The following CNOT2 variants were observed in gnomAD, a reference collection of about 807,000 sequenced individuals.
The protein encoded by CNOT2 is CCR4-NOT transcription complex subunit 2, also known as CC chemokine receptor 4-negative regulator of transcription 2.
CNOT2 carries 7 observed loss-of-function variants against 72.1 expected under a neutral mutation model. The ratio of observed to expected loss-of-function variants is 0.10; its 90% CI spans 0.06 to 0.18. The LOEUF is 0.18. Among genes scored for constraint, CNOT2 ranks in the 10% least tolerant of loss-of-function variants. CNOT2 has a pLI of 1.00. For synonymous variants in CNOT2, 196 were observed against 225.6 expected (o/e 0.87, Z 1.17); for missense variants, 345 against 660.3 (o/e 0.52, Z 5.23).
chr12:70,297,071 A>G (rs537732703), intron 2 of CNOT2, among the ~76,000 whole-genome samples: 11 of 152,186 alleles, frequency 7.2e-5, no homozygotes, highest in Non-Finnish European at 1.5e-4. Context: ...TTAATTGGCT[A>G]CACCTTGATA....
At chr12:70,334,838 C>T (rs2136041044) in intron 7 of CNOT2, 1 of 152,202 alleles carries the variant, frequency 6.6e-6, no homozygotes, top group Non-Finnish European at 1.5e-5. Context: ...TATTTCCTAT[C>T]CATTTACCAT....
intron 1 of CNOT2, among the ~76,000 whole-genome samples, chr12:70,268,507 G>A (rs1959154374): frequency 6.6e-6 from 1 of 152,110 alleles, no homozygotes. Flanking sequence ...GTGCAGTGGT[G>A]CAGTCAGGGC....
chr12:70,294,154 A>G, intron 2 of CNOT2: 1 of 1,288,914 alleles, frequency 7.8e-7, no homozygotes, highest in Non-Finnish European at 1.0e-6. Flanking sequence ...TATGGCGTCA[A>G]CCCTGCTGTA....
chr12:70,269,996 C>T (rs555711098), intron 1 of CNOT2, among the ~76,000 whole-genome samples: 1 of 152,070 alleles, frequency 6.6e-6, no homozygotes, highest in Non-Finnish European at 1.5e-5. Flanking sequence ...CATTTGTGAC[C>T]TTGTGTTAAT....
rs569488722 is a variant in CNOT2, at chr12:70,328,244, G to C, written c.239-1179G>C. 6.6e-5 allele frequency among the ~76,000 whole-genome samples: 10 copies of C among 151,964 alleles called. No homozygotes were observed. The East Asian group carries it at 1.8e-3, about 27-fold the overall frequency. ...TACAGGCTGCCAAATTTAAGATAACGATCAGTGAGATACTCGCTAACCACT... is the reference window on the plus strand; with the variant it reads ...TACAGGCTGCCAAATTTAAGATAACCATCAGTGAGATACTCGCTAACCACT... On this transcript the variant is annotated intron_variant, in intron 4 of 15. Transcript: ENST00000229195.
intron 1 of CNOT2, among the ~76,000 whole-genome samples, chr12:70,250,807 G>C (rs1308393806): frequency 6.6e-6 from 1 of 152,106 alleles, no homozygotes; most frequent in African/African-American, 2.4e-5. Context: ...CAATTACTTA[G>C]TGCTTTCTGC....
intron 1 of CNOT2, among the ~76,000 whole-genome samples, chr12:70,252,810 ATACT>A (rs1958213042): frequency 6.6e-6 from 1 of 152,234 alleles, no homozygotes. Context: ...ATAAATAACA[ATACT>A]TACCCAGTAG....
chr12:70,271,118 A>G (rs1959205837), intron 1 of CNOT2, among the ~76,000 whole-genome samples: 1 of 152,138 alleles, frequency 6.6e-6, no homozygotes, highest in African/African-American at 2.4e-5. Context: ...TTGTTCTGCC[A>G]TTGTCAGAGT....
In CNOT2 at chr12:70,342,418, A is replaced by T. The variant is rs141768324; in HGVS notation, c.1290+111A>T. 658 of 1,150,318 alleles carry T rather than the reference A, an allele frequency of 5.7e-4. 7 individuals carry two copies. The East Asian group carries it at 0.016, about 28-fold the overall frequency. The allele number at this position is 1,150,318 out of a possible 1,614,324, so 71.3% of individuals were successfully genotyped here. On this transcript the variant is annotated intron_variant, in intron 13 of 15. Transcript: ENST00000229195. ...GAAATAATTAGTAATGGTCTCAGGG[A>T]TATGCTTTCATATGTCCATGTTAAC...
intron 2 of CNOT2, among the ~76,000 whole-genome samples, chr12:70,282,585 T>C (rs1007327084): frequency 3.3e-5 from 5 of 152,184 alleles, no homozygotes; most frequent in African/African-American, 1.2e-4. Context: ...TTCAGATCTT[T>C]ACTAGTGACT....
intron 9 of CNOT2, 178 bp downstream of exon 9, chr12:70,337,691 C>T: frequency 1.1e-5 from 8 of 707,918 alleles, no homozygotes; most frequent in Admixed American, 9.6e-5. Flanking sequence ...TATTTTTTTC[C>T]TATTTCATAT....
chr12:70,341,810 C>A (rs1281151568), intron 11 of CNOT2, among the ~76,000 whole-genome samples: 2 of 152,018 alleles, frequency 1.3e-5, no homozygotes, highest in Admixed American at 6.6e-5. Flanking sequence ...TTTAAAGCAT[C>A]TTGAGTTGAA....
At chr12:70,313,052 G>A (rs1876741793) in intron 3 of CNOT2, among the ~76,000 whole-genome samples, 1 of 151,846 alleles carries the variant, frequency 6.6e-6, no homozygotes, top group Admixed American at 6.6e-5. Context: ...CACTCTCCAT[G>A]CCAACAAGAA....
chr12:70,289,779 T>G (rs974391931), intron 2 of CNOT2, among the ~76,000 whole-genome samples: 7 of 152,190 alleles, frequency 4.6e-5, no homozygotes, highest in Non-Finnish European at 8.8e-5. Flanking sequence ...CTACTAATTC[T>G]GTTACTCATG....
intron 2 of CNOT2, chr12:70,294,237 C>A: frequency 7.8e-7 from 1 of 1,289,412 alleles, no homozygotes; most frequent in Non-Finnish European, 1.0e-6. Flanking sequence ...TTCACTTCAG[C>A]CTCCAGCTCT....
rs1216425220 is a variant in CNOT2, at chr12:70,330,395, C to A, written c.495C>A (p.Ser165Arg). The change falls in exon 6 of 16, where the codon AGC (serine) becomes AGA (arginine). Residue 165 changes from serine (S) to arginine (R), a missense_variant. Transcript: ENST00000229195. ...TNSMSSSGLG[S>R]PNRSSPSIIC... Reference sequence around the variant, plus strand: ...GCATGAGCAGTTCAGGGTTAGGTAGCCCCAACAGAAGCTCGCCAAGCATAA... The same window carrying A: ...GCATGAGCAGTTCAGGGTTAGGTAGACCCAACAGAAGCTCGCCAAGCATAA... 1 of 1,612,352 alleles carries A rather than the reference C, an allele frequency of 6.2e-7. No homozygotes were observed. Among genetic ancestry groups the A allele is most frequent in the Non-Finnish European group, 8.5e-7 (1 of 1,178,834 alleles).
Position 70,338,523 on chromosome 12 carries a change from T to C in CNOT2, c.981T>C (p.Asn327=). The change falls in exon 10 of 16, where the codon AAT becomes AAC. Residue 327 remains asparagine (N), a synonymous_variant. Transcript: ENST00000229195. ...GAGATAAAAGTTCAACAACACAAAA[T>C]AATAACCAGCAGAAAAAAGGGATCC... ...FPGDKSSTTQ[N]NNQQKKGIQV... is the part of the protein sequence containing the mutation. 6.2e-7 allele frequency: 1 copy of C among 1,613,110 alleles called. No homozygotes were observed. The highest frequency in any genetic ancestry group is 8.5e-7 in the Non-Finnish European group (1 of 1,179,488).
chr12:70,333,639 A>G (rs1286092816), intron 7 of CNOT2, among the ~76,000 whole-genome samples: 2 of 151,946 alleles, frequency 1.3e-5, no homozygotes, highest in Non-Finnish European at 2.9e-5. Flanking sequence ...TGTAGAGGCA[A>G]GAGAAGATTT....
intron 2 of CNOT2, among the ~76,000 whole-genome samples, chr12:70,293,052 T>C (rs1442325939): frequency 6.6e-6 from 1 of 152,202 alleles, no homozygotes; most frequent in African/African-American, 2.4e-5. Context: ...TAAGCTTCTA[T>C]TTTTATTAGT....
Sources: allele counts gnomAD v4.1 joint callset (sites outside exome capture counted in the v4.1 genomes callset), GRCh38; gene constraint gnomAD v4.1.1; transcripts MANE v1.5; gene names NCBI Gene and HGNC (gene_info 2026-07-23, HGNC 2026-07-21).